The following OTUD6B variants were observed in gnomAD, a reference collection of about 807,000 sequenced individuals.
OTUD6B encodes OTU deubiquitinase 6B, also known as deubiquitinase OTUD6B.
In OTUD6B, 41 loss-of-function variants were observed where a neutral mutation model predicts 36.9. The observed-to-expected ratio is 1.11, with a 90% confidence interval of 0.87 to 1.44. The LOEUF (loss-of-function observed/expected upper bound fraction) is 1.44, where lower values mean the gene tolerates loss of function less well. Ranked by LOEUF, OTUD6B falls within the 40% of genes most tolerant of loss-of-function variation. OTUD6B has a pLI of 0.00. For synonymous variants in OTUD6B, 114 were observed against 114.2 expected (o/e 1.00, Z 0.01); for missense variants, 356 against 344.8 (o/e 1.03, Z -0.26).
In OTUD6B at chr8:91,071,105, GTGTCTGACTTAA is replaced by G. The variant is rs1394041497; in HGVS notation, c.83-30_83-19del. ...GTTTCTCATCTCCTTTTACTCCTGC[GTGTCTGACTTAA>G]TGATTTTAATGGCTTTTCAGCCAAA... On this transcript the variant is annotated intron_variant, in intron 1 of 6. Coordinates refer to ENST00000404789, the MANE Select transcript of OTUD6B (RefSeq NM_016023.5). 3 of 1,608,044 alleles carry G rather than the reference GTGTCTGACTTAA, an allele frequency of 1.9e-6. No homozygotes were observed. The Middle Eastern group carries it at 5.0e-4, about 267-fold the overall frequency.
rs763915816 is a variant in OTUD6B, at chr8:91,073,879, C to T, written c.283C>T (p.Pro95Ser). Residue 95 changes from proline (P) to serine (S), a missense_variant, in exon 3 of 7, where the codon CCA becomes TCA. Physicochemically the swap from Pro to Ser is moderately conservative, Grantham distance 74. Coordinates refer to ENST00000404789, the MANE Select transcript of OTUD6B (RefSeq NM_016023.5). Reference protein sequence around the residue: ...NISNLVLENQPPRISKAQKRR... With the variant: ...NISNLVLENQSPRISKAQKRR... Reference sequence around the variant, plus strand: ...TTCAAACTTGGTGCTTGAGAATCAGCCACCTCGGATATCAAAAGCACAAAA... The same window carrying T: ...TTCAAACTTGGTGCTTGAGAATCAGTCACCTCGGATATCAAAAGCACAAAA... The T allele has an allele frequency of 8.8e-6, 14 of 1,593,324 alleles. No homozygotes were observed. The highest frequency in any genetic ancestry group is 3.4e-6 in the Non-Finnish European group (4 of 1,168,422).
At chr8:91,076,749 C>T in intron 3 of OTUD6B, 2 of 845,060 alleles carry the variant, frequency 2.4e-6, no homozygotes, top group Non-Finnish European at 1.9e-6. Context: ...TTCTTCCTTT[C>T]CCCTCTGAAA....
chr8:91,077,290 C>T (rs562586181), intron 3 of OTUD6B, among the ~76,000 whole-genome samples: 1 of 151,800 alleles, frequency 6.6e-6, no homozygotes, highest in Non-Finnish European at 1.5e-5. Flanking sequence ...GGAATCCCGT[C>T]ATCCAGAAAA....
intron 3 of OTUD6B, among the ~76,000 whole-genome samples, chr8:91,074,810 T>C (rs1812771966): frequency 6.6e-6 from 1 of 152,106 alleles, no homozygotes; most frequent in Non-Finnish European, 1.5e-5. Context: ...GCATGGAGTT[T>C]AGTGTCAAAC....
At position 91,085,640 on chromosome 8, in the gene OTUD6B, G is replaced by A. The variant is rs906345529; in HGVS notation, c.*772G>A. On this transcript the variant is annotated 3_prime_UTR_variant, in exon 7 of 7. Transcript: ENST00000404789. ...TATTCTTTCGTATTTTTTAAGCATC[G>A]GACTGGAGTTAGTACCATCATCTCT... is the stretch of plus-strand genomic sequence containing the variant. The A allele has an allele frequency of 3.3e-5, 5 of 151,568 alleles. No individual in the cohort carries two copies. Among genetic ancestry groups the A allele is most frequent in the African/African-American group, 2.4e-5 (1 of 41,266 alleles). 9.4% of individuals were successfully genotyped at this position (151,568 alleles called of 1,614,324 possible).
rs148650888 is a variant in OTUD6B, at chr8:91,070,785, G to A, written c.82+319G>A. 2.1e-3 allele frequency among the ~76,000 whole-genome samples: 318 copies of A among 152,082 alleles called. 1 individual carries two copies. The highest frequency in any genetic ancestry group is 7.2e-3 in the African/African-American group (299 of 41,490). Reference sequence around the variant, plus strand: ...GCCTCCCTTTTCTATACCTGCCCCAGTTACCGATACTTGTCCCTAATGGGT... The same window carrying A: ...GCCTCCCTTTTCTATACCTGCCCCAATTACCGATACTTGTCCCTAATGGGT... On this transcript the variant is annotated intron_variant, in intron 1 of 6. Coordinates refer to ENST00000404789, the MANE Select transcript of OTUD6B (RefSeq NM_016023.5).
At chr8:91,071,540 G>T (rs1160129691) in intron 2 of OTUD6B, among the ~76,000 whole-genome samples, 2 of 152,116 alleles carry the variant, frequency 1.3e-5, no homozygotes, top group Non-Finnish European at 2.9e-5. Flanking sequence ...AGTAGAGACA[G>T]GGTTTCACCA....
At position 91,078,553 on chromosome 8, in the gene OTUD6B, T is replaced by C. The variant is rs780474841; in HGVS notation, c.513T>C (p.Asp171=). 6.2e-6 allele frequency: 10 copies of C among 1,609,198 alleles called. No homozygotes were observed. The highest frequency in any genetic ancestry group is 3.3e-4 in the Middle Eastern group (2 of 6,058). Residue 171 remains aspartate (D), a synonymous_variant, in exon 4 of 7, where the codon GAT becomes GAC. Transcript: ENST00000404789. ...KAIEDQLKEK[D]CALTVVALRS... ...TTGAAGATCAACTGAAAGAAAAGGA[T>C]TGTGCTCTGACTGTGGTTGCCTTGA...
At chr8:91,071,389 GTC>G in intron 2 of OTUD6B, 100 bp downstream of exon 2, 1 of 968,932 alleles carries the variant, frequency 1.0e-6, no homozygotes, top group East Asian at 2.7e-5. Context: ...TTGAGACGGT[GTC>G]TCGCTTTGCA....
chr8:91,079,385 C>G (rs967119452), intron 4 of OTUD6B, among the ~76,000 whole-genome samples: 1 of 151,938 alleles, frequency 6.6e-6, no homozygotes, highest in Non-Finnish European at 1.5e-5. Flanking sequence ...AATTGACTTT[C>G]CTTTAGTGGA....
At chr8:91,070,800 C>T (rs1425374497) in intron 1 of OTUD6B, among the ~76,000 whole-genome samples, 1 of 152,018 alleles carries the variant, frequency 6.6e-6, no homozygotes, top group Non-Finnish European at 1.5e-5. Flanking sequence ...CGATACTTGT[C>T]CCTAATGGGT....
chr8:91,073,388 C>T (rs1812733948), intron 2 of OTUD6B, among the ~76,000 whole-genome samples: 1 of 152,110 alleles, frequency 6.6e-6, no homozygotes, highest in South Asian at 2.1e-4. Context: ...CAACTTGCTA[C>T]TAGGGTCAAG....
At chr8:91,081,751 T>C (rs1339649364) in intron 5 of OTUD6B, among the ~76,000 whole-genome samples, 1 of 152,196 alleles carries the variant, frequency 6.6e-6, no homozygotes, top group Non-Finnish European at 1.5e-5. Flanking sequence ...AACTGCTTCA[T>C]TTGAAGATGC....
chr8:91,079,324 A>G (rs1812857207), intron 4 of OTUD6B: 1 of 152,074 alleles, frequency 6.6e-6, no homozygotes. Context: ...GGCAGTATCC[A>G]TTGTTCCCAC....
intron 5 of OTUD6B, among the ~76,000 whole-genome samples, chr8:91,082,733 T>C (rs569222565): frequency 9.9e-5 from 15 of 150,812 alleles, no homozygotes; most frequent in African/African-American, 3.7e-4. Flanking sequence ...GCTTGAGTGT[T>C]TGGTCATATG....
At chr8:91,079,161 A>G (rs1812854522) in intron 4 of OTUD6B, 1 of 152,294 alleles carries the variant, frequency 6.6e-6, no homozygotes. Flanking sequence ...ATTCTATACA[A>G]TACTATCACA....
intron 3 of OTUD6B, among the ~76,000 whole-genome samples, chr8:91,075,576 C>A (rs769567712): frequency 2.7e-4 from 41 of 152,054 alleles, no homozygotes; most frequent in Non-Finnish European, 2.8e-4. Context: ...TACTGCACAA[C>A]TGGAATTAAT....
intron 3 of OTUD6B, among the ~76,000 whole-genome samples, chr8:91,077,474 T>C (rs185942083): frequency 3.0e-4 from 46 of 152,138 alleles, no homozygotes; most frequent in Admixed American, 7.2e-4. Flanking sequence ...CATATAGTGC[T>C]TTCTGGCTTT....
rs750121020 is a variant in OTUD6B at position 91,086,680 on chromosome 8, A to G, written c.*1812A>G. 3 of 151,790 alleles carry G rather than the reference A, an allele frequency of 2.0e-5. No individual in the cohort carries two copies. The highest frequency in any genetic ancestry group is 1.3e-4 in the Admixed American group (2 of 15,208). The allele number at this position is 151,790 out of a possible 1,614,324, so 9.4% of individuals were successfully genotyped here. The stretch of plus-strand genomic sequence containing the variant: ...TTAGAATCTTTTTGGTTATATGTCT[A>G]TTTTTCAATTTTGTTATATTTTTAA... On this transcript the variant is annotated 3_prime_UTR_variant, in exon 7 of 7. Transcript: ENST00000404789.
Sources: gnomAD v4.1 joint callset for allele counts (sites outside exome capture counted in the v4.1 genomes callset) on GRCh38, gnomAD v4.1.1 for gene constraint, MANE v1.5 for transcripts, NCBI Gene and HGNC (gene_info 2026-07-23, HGNC 2026-07-21) for gene names.